Variants in PHF24 observed in about 807,000 individuals in gnomAD.
PHF24 encodes Galpha inhibitory interacting protein.
PHF24 carries 25 observed loss-of-function variants against 42.6 expected under a neutral mutation model. The observed-to-expected ratio is 0.59, with a 90% CI of 0.43 to 0.82. PHF24 has a LOEUF of 0.82. Among genes scored for constraint, PHF24 ranks in the 40% least tolerant of loss-of-function variants. The pLI is 0.00. For missense variants in PHF24, 470 were observed against 538.1 expected (o/e 0.87, Z 1.25); for synonymous variants, 185 against 204.8 (o/e 0.90, Z 0.83).
At chr9:34,772,991 G>GC in the PHF24 span, among the ~76,000 whole-genome samples, 1 of 136,828 alleles carries the variant, frequency 7.3e-6, no homozygotes, top group Non-Finnish European at 1.6e-5. Flanking sequence ...TCAGAGTTCT[G>GC]TTTTTTTTTT....
At chr9:34,918,248 G>A in the PHF24 span, 8,303 of 1,487,004 alleles carry the variant, frequency 5.6e-3, 47 homozygotes, top group South Asian at 0.023. Context: ...TCATCCGCAC[G>A]TGTCTTCTCA....
At chr9:34,746,072 G>A in the PHF24 span, among the ~76,000 whole-genome samples, 2 of 152,226 alleles carry the variant, frequency 1.3e-5, no homozygotes, top group Non-Finnish European at 2.9e-5. Context: ...CTAACAGGCC[G>A]AAAAACTGAG....
chr9:34,834,107 A>T, the PHF24 span: 1 of 1,371,478 alleles, frequency 7.3e-7, no homozygotes, highest in South Asian at 1.4e-5. Context: ...TTTGTGATGT[A>T]GGTCTGGGTC....
chr9:34,894,584 T>A, the PHF24 span: 429 of 398,318 alleles, frequency 1.1e-3, 2 homozygotes, highest in Non-Finnish European at 1.7e-3. Flanking sequence ...GGCCTTTTAA[T>A]GAGAAGATAC....
the PHF24 span, among the ~76,000 whole-genome samples, chr9:34,877,280 C>CA: frequency 0.28 from 32,489 of 114,024 alleles, 4,058 homozygotes; most frequent in East Asian, 0.52. Context: ...GACTCTGTCT[C>CA]AAAAAAAAAA....
chr9:34,975,428 T>C (rs1827151598), intron 3 of PHF24, among the ~76,000 whole-genome samples: 5 of 152,370 alleles, frequency 3.3e-5, no homozygotes, highest in Admixed American at 2.6e-4. Flanking sequence ...AATCCACGTA[T>C]GAATACTCAT....
chr9:34,904,451 C>T, the PHF24 span, among the ~76,000 whole-genome samples: 1 of 151,970 alleles, frequency 6.6e-6, no homozygotes, highest in Non-Finnish European at 1.5e-5. Context: ...TGGATTTTGT[C>T]GAATGCTTTT....
the PHF24 span, chr9:34,724,174 C>A: frequency 6.4e-7 from 1 of 1,551,266 alleles, no homozygotes; most frequent in Non-Finnish European, 8.7e-7. Flanking sequence ...CACAGGGTTC[C>A]TCCAGGCTGG....
the PHF24 span, among the ~76,000 whole-genome samples, chr9:34,697,658 G>A: frequency 2.0e-5 from 3 of 152,136 alleles, no homozygotes; most frequent in African/African-American, 7.2e-5. Flanking sequence ...CTGATGCTGT[G>A]GTCCTTGGAC....
chr9:34,893,981 G>A, the PHF24 span, among the ~76,000 whole-genome samples: 2 of 152,182 alleles, frequency 1.3e-5, no homozygotes, highest in African/African-American at 4.8e-5. Context: ...ATCTTAAGAA[G>A]AGGATAAGAT....
At chr9:34,815,144 CAA>C in the PHF24 span, among the ~76,000 whole-genome samples, 3 of 152,188 alleles carry the variant, frequency 2.0e-5, no homozygotes, top group African/African-American at 7.2e-5. Context: ...CTCTTTTAAT[CAA>C]AGTGTCCAAA....
the PHF24 span, among the ~76,000 whole-genome samples, chr9:34,696,417 G>A: frequency 6.7e-6 from 1 of 149,168 alleles, no homozygotes; most frequent in African/African-American, 2.5e-5. Context: ...TAACCCGGGA[G>A]ACAGAAGTTG....
the PHF24 span, among the ~76,000 whole-genome samples, chr9:34,752,394 G>T: frequency 6.6e-6 from 1 of 152,104 alleles, no homozygotes; most frequent in Non-Finnish European, 1.5e-5. Context: ...GATCATTAGA[G>T]GCTACTAGGG....
upstream of PHF24, among the ~76,000 whole-genome samples, chr9:34,953,664 G>A (rs954177906): frequency 6.6e-6 from 1 of 151,770 alleles, no homozygotes; most frequent in African/African-American, 2.4e-5. This position sits in a 1 kb window ranked among gnomAD's most constrained non-coding sequence, Gnocchi z 4.1. Context: ...ATCCCTTTAG[G>A]CTAGGTGTGG....
At chr9:34,696,605 C>T in the PHF24 span, among the ~76,000 whole-genome samples, 2 of 151,990 alleles carry the variant, frequency 1.3e-5, no homozygotes, top group East Asian at 1.9e-4. Context: ...ATCCAAGACC[C>T]GAGTGTCTTG....
chr9:34,745,412 C>T, the PHF24 span, among the ~76,000 whole-genome samples: 5 of 151,730 alleles, frequency 3.3e-5, no homozygotes, highest in Admixed American at 6.6e-5. Context: ...TAGGTACTCT[C>T]GTAGGAGAAT....
chr9:34,804,646 G>T, the PHF24 span, among the ~76,000 whole-genome samples: 1 of 152,142 alleles, frequency 6.6e-6, no homozygotes, highest in Non-Finnish European at 1.5e-5. Context: ...TCAACTAATT[G>T]CAGTTTTGGG....
At chr9:34,726,850 C>G in the PHF24 span, 63 of 1,551,654 alleles carry the variant, frequency 4.1e-5, no homozygotes, top group Non-Finnish European at 5.2e-5. Flanking sequence ...GCAATGGCCC[C>G]GATAAAGTCA....
chr9:34,958,228 GCCGC>G (rs1160563019), upstream of PHF24: 9 of 85,492 alleles, frequency 1.1e-4, no homozygotes, highest in African/African-American at 1.8e-4. This position sits in a 1 kb window ranked among gnomAD's most constrained non-coding sequence, Gnocchi z 4.5. Flanking sequence ...GGCCGCGCGC[GCCGC>G]CGCCGCCGCC....
Sources: gnomAD v4.1 joint callset for allele counts (sites outside exome capture counted in the v4.1 genomes callset) on GRCh38, gnomAD v4.1.1 for gene constraint, Gnocchi (gnomAD v3.1) non-coding constraint, MANE v1.5 for transcripts, NCBI Gene and HGNC (gene_info 2026-07-23, HGNC 2026-07-21) for gene names.